Variants in NDUFAF6 observed in about 807,000 individuals in gnomAD.
NDUFAF6 encodes the protein NADH:ubiquinone oxidoreductase complex assembly factor 6.
Under a neutral mutation model 40.8 loss-of-function variants are expected in NDUFAF6, and 45 were observed. That is an observed-to-expected ratio of 1.10 (90% CI 0.87 to 1.42). NDUFAF6 has a LOEUF of 1.42. NDUFAF6 is among the 40% of genes most tolerant of loss of function. The pLI, the probability that NDUFAF6 is intolerant of heterozygous loss-of-function variation, is 0.00. For missense variants in NDUFAF6, 435 were observed against 418.5 expected (o/e 1.04, Z -0.34); for synonymous variants, 185 against 155.9 (o/e 1.19, Z -1.39).
intron 9 of NDUFAF6, among the ~76,000 whole-genome samples, chr8:95,070,264 T>G (rs548075313): frequency 7.2e-5 from 11 of 152,332 alleles, no homozygotes; most frequent in Admixed American, 7.2e-4. Flanking sequence ...GGCCTAGTGA[T>G]AGTGCCTACT....
At position 95,025,205 on chromosome 8, in the gene NDUFAF6, G is replaced by A. The variant is rs1827949065; in HGVS notation, c.197G>A (p.Arg66Gln). 5 of 1,428,422 alleles carry A rather than the reference G, an allele frequency of 3.5e-6. No individual in the cohort carries two copies. Among genetic ancestry groups the A allele is most frequent in the Admixed American group, 3.2e-5 (1 of 30,870 alleles). The allele number at this position is 1,428,422 out of a possible 1,614,324, so 88.5% of individuals were successfully genotyped here. A position where few individuals can be genotyped will look rare whatever the true frequency, so the allele number is the denominator to read the frequency against. ...GACCACTACTGCCTGGAGCTGCTGC[G>A]GTGAGCGAGCACGACCTTCCCTGGC... ...GTDHYCLELL[R>Q]KRDYEGYLCS... Residue 66 changes from arginine (R) to glutamine (Q), a missense_variant and splice_region_variant, in exon 1 of 9, where the codon CGG (arginine) becomes CAG (glutamine). Transcript: ENST00000396124.
upstream of NDUFAF6, among the ~76,000 whole-genome samples, chr8:94,953,365 A>C (rs924478643): frequency 2.0e-5 from 3 of 151,908 alleles, no homozygotes; most frequent in Non-Finnish European, 4.4e-5. Flanking sequence ...AAAAAACAAA[A>C]AAAAAACCTT....
At chr8:95,044,236 G>A (rs1298761781) in intron 4 of NDUFAF6, among the ~76,000 whole-genome samples, 1 of 151,990 alleles carries the variant, frequency 6.6e-6, no homozygotes, top group Non-Finnish European at 1.5e-5. Flanking sequence ...GGGGGAAATG[G>A]GAAGTGTCTG....
chr8:94,937,848 A>G (rs1821142776), intron 1 of NDUFAF6, among the ~76,000 whole-genome samples: 1 of 152,146 alleles, frequency 6.6e-6, no homozygotes, highest in Non-Finnish European at 1.5e-5. Flanking sequence ...TGGTGGTAAA[A>G]ACAGCCTACT....
intron 2 of NDUFAF6, chr8:94,950,920 A>G (rs1822552510): frequency 6.6e-6 from 1 of 152,222 alleles, no homozygotes; most frequent in Non-Finnish European, 1.5e-5. Flanking sequence ...TCATCTTGTT[A>G]TGATAGAAAA....
intron 4 of NDUFAF6, among the ~76,000 whole-genome samples, chr8:95,115,239 C>T (rs561535278): frequency 6.6e-6 from 1 of 152,088 alleles, no homozygotes; most frequent in Non-Finnish European, 1.5e-5. Context: ...CAATATTTGT[C>T]AGCACCAAGA....
At chr8:95,077,560 A>G (rs2132046327), downstream of NDUFAF6, among the ~76,000 whole-genome samples, 1 of 152,334 alleles carries the variant, frequency 6.6e-6, no homozygotes, top group Non-Finnish European at 1.5e-5. Context: ...ACAGCATGCA[A>G]TTTAAAACTT....
intron 4 of NDUFAF6, among the ~76,000 whole-genome samples, chr8:95,043,251 A>AT (rs368450114): frequency 1.1e-3 from 154 of 145,206 alleles, no homozygotes; most frequent in African/African-American, 1.4e-3. Context: ...CACTCGGCTA[A>AT]TTTTTTTTTT....
chr8:94,958,911 A>G (rs1323524288), intron 1 of NDUFAF6, among the ~76,000 whole-genome samples: 4 of 152,178 alleles, frequency 2.6e-5, no homozygotes, highest in African/African-American at 9.7e-5. Flanking sequence ...ATTTTCTTAG[A>G]AATTTTGTTG....
At position 94,996,843 on chromosome 8, in the gene NDUFAF6, A is replaced by G. The variant is rs1826452194; in HGVS notation, c.-84+15870A>G. 4.6e-5 allele frequency among the ~76,000 whole-genome samples: 7 copies of G among 152,180 alleles called. No homozygotes were observed. The South Asian group carries it at 1.2e-3, about 27-fold the overall frequency. On this transcript the variant is annotated intron_variant, in intron 2 of 9. Transcript: ENST00000396111. The stretch of plus-strand genomic sequence containing the variant: ...GACACCAACAGGTACAGAAGGAAGA[A>G]CACATGAAGACGCAGGGAGAAGATG...
chr8:95,060,390 A>G (rs1832542468), downstream of NDUFAF6, among the ~76,000 whole-genome samples: 1 of 152,238 alleles, frequency 6.6e-6, no homozygotes, highest in South Asian at 2.1e-4. Context: ...TTAAGTATAA[A>G]TTACAGATTA....
At chr8:95,098,066 C>T (rs1809524939), upstream of NDUFAF6, among the ~76,000 whole-genome samples, 1 of 152,140 alleles carries the variant, frequency 6.6e-6, no homozygotes, top group South Asian at 2.1e-4. Flanking sequence ...TTGAGAGCAG[C>T]TCATGTCTTG....
intron 2 of NDUFAF6, among the ~76,000 whole-genome samples, chr8:94,981,824 A>G (rs1438632241): frequency 2.0e-5 from 3 of 151,408 alleles, no homozygotes; most frequent in African/African-American, 7.3e-5. Flanking sequence ...GCATAATGAC[A>G]TTTTGGTCAA....
intron 2 of NDUFAF6, among the ~76,000 whole-genome samples, chr8:94,989,760 A>G (rs114735089): frequency 0.01 from 1,544 of 152,230 alleles, 28 homozygotes; most frequent in African/African-American, 0.035. Context: ...GCACATCACA[A>G]TGGTCTCTCT....
chr8:95,061,065 T>C (rs1408893463), downstream of NDUFAF6, among the ~76,000 whole-genome samples: 1 of 152,074 alleles, frequency 6.6e-6, no homozygotes, highest in Non-Finnish European at 1.5e-5. Flanking sequence ...TTGACGTTTT[T>C]GTGGGGAGGT....
intron 1 of NDUFAF6, among the ~76,000 whole-genome samples, chr8:94,908,578 C>T (rs1320504926): frequency 1.3e-5 from 2 of 152,122 alleles, no homozygotes; most frequent in African/African-American, 4.8e-5. Context: ...CTATGTTGCC[C>T]AGGCTGTCCT....
At chr8:95,067,054 G>A (rs1411551649) in intron 9 of NDUFAF6, 1 of 152,236 alleles carries the variant, frequency 6.6e-6, no homozygotes, top group Non-Finnish European at 1.5e-5. Flanking sequence ...TGTGGATGGA[G>A]CTGGTGCCAG....
intron 2 of NDUFAF6, among the ~76,000 whole-genome samples, chr8:95,090,392 CTT>C (rs1251386816): frequency 4.6e-5 from 7 of 152,200 alleles, no homozygotes; most frequent in African/African-American, 1.7e-4. Context: ...CTCCCCTTCT[CTT>C]GTTTTTGACT....
At chr8:95,009,056 C>T (rs1827121694) in intron 2 of NDUFAF6, among the ~76,000 whole-genome samples, 1 of 151,976 alleles carries the variant, frequency 6.6e-6, no homozygotes, top group African/African-American at 2.4e-5. Flanking sequence ...AAAAATTAGC[C>T]TGGCTTGGTG....
Sources: allele counts gnomAD v4.1 joint callset (sites outside exome capture counted in the v4.1 genomes callset), GRCh38; gene constraint gnomAD v4.1.1; transcripts MANE v1.5; gene names NCBI Gene and HGNC (gene_info 2026-07-23, HGNC 2026-07-21).